The following KDM1A variants were observed in gnomAD, a reference collection of about 807,000 sequenced individuals.
KDM1A encodes the protein lysine-specific histone demethylase 1A.
Under a neutral mutation model 109.4 loss-of-function variants are expected in KDM1A, and 49 were observed. That is an observed-to-expected ratio of 0.45 (90% CI 0.36 to 0.57). The LOEUF (loss-of-function observed/expected upper bound fraction) is 0.57. KDM1A is among the 20% of genes least tolerant of loss of function. The pLI, the probability that KDM1A is intolerant of heterozygous loss-of-function variation, is 0.00. For missense variants in KDM1A, 668 were observed against 1,116.6 expected, an observed-to-expected ratio of 0.60 and a Z score of 5.73; for synonymous variants, 380 against 415.4, an observed-to-expected ratio of 0.91 and a Z score of 1.04.
At chr1:23,026,278 G>C (rs1641798240) in intron 1 of KDM1A, among the ~76,000 whole-genome samples, 1 of 151,750 alleles carries the variant, frequency 6.6e-6, no homozygotes, top group Non-Finnish European at 1.5e-5. Flanking sequence ...TATTTTTTGT[G>C]GTACATAGTA....
intron 1 of KDM1A, among the ~76,000 whole-genome samples, chr1:23,027,257 T>G (rs934642952): frequency 6.6e-6 from 1 of 152,104 alleles, no homozygotes; most frequent in African/African-American, 2.4e-5. Flanking sequence ...ATGATAGTCT[T>G]CTTTTAGCCT....
intron 1 of KDM1A, 160 bp downstream of exon 1, chr1:23,020,107 G>C (rs1641576553): frequency 5.2e-6 from 4 of 771,568 alleles, no homozygotes; most frequent in Non-Finnish European, 7.3e-6. Context: ...GGACGGGTGG[G>C]GTGAGAAAGG....
Position 23,055,069 on chromosome 1 carries a change from G to C in KDM1A, c.791G>C (p.Ser264Thr). The C allele has an allele frequency of 6.3e-7, 1 of 1,593,686 alleles. No homozygotes were observed. Among genetic ancestry groups the C allele is most frequent in the Non-Finnish European group, 8.6e-7 (1 of 1,166,438 alleles). The change falls in exon 6 of 21, where the codon AGT becomes ACT. Residue 264 changes from serine to threonine, a missense_variant and splice_region_variant. Transcript: ENST00000400181. ...TLQQLEAPYN[S>T]DTVLVHRVHS... is the part of the protein sequence containing the mutation. ...TGTTTTTAATCCACTTATTCTGTAG[G>C]TGATACTGTGCTTGTCCACCGAGTT... is the stretch of plus-strand genomic sequence containing the variant.
chr1:23,023,499 T>C (rs1413262739), intron 1 of KDM1A, among the ~76,000 whole-genome samples: 1 of 152,230 alleles, frequency 6.6e-6, no homozygotes, highest in African/African-American at 2.4e-5. Context: ...ATTGATTAAC[T>C]ATAAATCTAA....
chr1:23,047,966 A>C (rs1057305683), intron 3 of KDM1A, among the ~76,000 whole-genome samples: 1 of 152,012 alleles, frequency 6.6e-6, no homozygotes, highest in African/African-American at 2.4e-5. Flanking sequence ...TTGGTATTTT[A>C]TCCTACATGA....
At position 23,019,631 on chromosome 1, in the gene KDM1A, C is replaced by A; in HGVS notation, c.35C>A (p.Ala12Glu). 3 of 1,417,318 alleles carry A rather than the reference C, an allele frequency of 2.1e-6. No homozygotes were observed. The highest frequency in any genetic ancestry group is 2.7e-6 in the Non-Finnish European group (3 of 1,093,252). 87.8% of individuals were successfully genotyped at this position (1,417,318 alleles called of 1,614,324 possible). Residue 12 changes from alanine to glutamate, a missense_variant, in exon 1 of 21, where the codon GCG (alanine) becomes GAG (glutamate). Coordinates refer to ENST00000400181, the MANE Select transcript of KDM1A (RefSeq NM_001009999.3). Reference protein sequence around the residue: ...LSGKKAAAAAAAAAAAATGTE... With the variant: ...LSGKKAAAAAEAAAAAATGTE... Reference sequence around the variant, plus strand: ...GGGAAGAAGGCGGCAGCCGCGGCGGCGGCGGCTGCAGCGGCAGCAACCGGG... The same window carrying A: ...GGGAAGAAGGCGGCAGCCGCGGCGGAGGCGGCTGCAGCGGCAGCAACCGGG...
chr1:23,051,547 C>A (rs561968688), intron 4 of KDM1A, among the ~76,000 whole-genome samples: 20 of 152,260 alleles, frequency 1.3e-4, no homozygotes, highest in Non-Finnish European at 2.2e-4. Flanking sequence ...AGTTCTTTTT[C>A]ATTTCTTGGA....
At chr1:23,062,563 C>G (rs578224598) in intron 9 of KDM1A, among the ~76,000 whole-genome samples, 10 of 152,290 alleles carry the variant, frequency 6.6e-5, no homozygotes, top group Non-Finnish European at 1.3e-4. Context: ...TCTCCATACC[C>G]AGACATTTTG....
intron 6 of KDM1A, chr1:23,055,538 T>G (rs1642807021): frequency 5.9e-6 from 1 of 169,274 alleles, no homozygotes; most frequent in South Asian, 1.8e-4. Flanking sequence ...TTTAATCATT[T>G]TTTCAAAAGG....
intron 9 of KDM1A, among the ~76,000 whole-genome samples, chr1:23,059,967 T>C (rs1340282450): frequency 6.6e-6 from 1 of 152,204 alleles, no homozygotes; most frequent in Non-Finnish European, 1.5e-5. Context: ...GAATTTTGTG[T>C]GATATGTCTC....
intron 13 of KDM1A, 146 bp from the exon 14 acceptor site, chr1:23,071,974 CTCTA>C (rs1643333920): frequency 3.6e-6 from 2 of 553,552 alleles, no homozygotes; most frequent in Non-Finnish European, 6.5e-6. Flanking sequence ...AATCTCTCAG[CTCTA>C]TCTAACCCCA....
At chr1:23,031,911 C>T (rs1641993476) in intron 2 of KDM1A, among the ~76,000 whole-genome samples, 2 of 152,100 alleles carry the variant, frequency 1.3e-5, no homozygotes, top group African/African-American at 4.8e-5. Context: ...TAGTATATTA[C>T]CTTTGGGGCT....
At chr1:23,056,934 T>C (rs1642846509) in intron 7 of KDM1A, among the ~76,000 whole-genome samples, 2 of 151,986 alleles carry the variant, frequency 1.3e-5, no homozygotes, top group African/African-American at 4.8e-5. Context: ...TATTTAGGGA[T>C]AAAAGGTATT....
chr1:23,032,506 TG>T (rs5773031), intron 2 of KDM1A, among the ~76,000 whole-genome samples: 1 of 151,920 alleles, frequency 6.6e-6, no homozygotes, highest in African/African-American at 2.4e-5. Context: ...TCTTTGTTTT[TG>T]GGGGGACGTT....
chr1:23,080,255 T>C (rs959914049), intron 18 of KDM1A, among the ~76,000 whole-genome samples: 1 of 152,048 alleles, frequency 6.6e-6, no homozygotes, highest in Non-Finnish European at 1.5e-5. Flanking sequence ...TGGTGAATGG[T>C]CTTTCACACC....
chr1:23,080,472 T>C (rs1177401059), intron 18 of KDM1A, among the ~76,000 whole-genome samples: 1 of 152,204 alleles, frequency 6.6e-6, no homozygotes, highest in African/African-American at 2.4e-5. Context: ...CGGTTACCAA[T>C]AGCTACTACT....
chr1:23,039,497 G>C (rs1642244238), intron 2 of KDM1A, among the ~76,000 whole-genome samples: 1 of 152,018 alleles, frequency 6.6e-6, no homozygotes. Context: ...CATTTGTTTT[G>C]TTGTCTTTGT....
At chr1:23,045,714 A>C (rs1418485513) in intron 3 of KDM1A, among the ~76,000 whole-genome samples, 1 of 152,100 alleles carries the variant, frequency 6.6e-6, no homozygotes, top group East Asian at 1.9e-4. Flanking sequence ...GCATTAAGTA[A>C]ACAATATCAT....
intron 1 of KDM1A, among the ~76,000 whole-genome samples, chr1:23,025,248 C>T (rs1374506012): frequency 1.3e-5 from 2 of 151,742 alleles, no homozygotes; most frequent in African/African-American, 4.8e-5. Flanking sequence ...TCCATTATGA[C>T]AAAAAGTTCT....
Sources: allele counts gnomAD v4.1 joint callset (sites outside exome capture counted in the v4.1 genomes callset), GRCh38; gene constraint gnomAD v4.1.1; transcripts MANE v1.5; gene names NCBI Gene and HGNC (gene_info 2026-07-23, HGNC 2026-07-21).